TBC1D5: variants seen among roughly 807,000 people sequenced by gnomAD.
The protein encoded by TBC1D5 is TBC1 domain family, member 5.
In TBC1D5, 75 loss-of-function variants were observed where a neutral mutation model predicts 100.3. The observed-to-expected ratio is 0.75, with a 90% CI of 0.62 to 0.91. The LOEUF is 0.91. Among genes scored for constraint, TBC1D5 ranks in the 40% least tolerant of loss-of-function variants. TBC1D5 has a pLI of 0.00. For synonymous variants in TBC1D5, 323 were observed against 325.6 expected, an observed-to-expected ratio of 0.99 and a Z score of 0.09; for missense variants, 910 against 942.4, an observed-to-expected ratio of 0.97 and a Z score of 0.45.
intron 1 of TBC1D5, among the ~76,000 whole-genome samples, chr3:17,641,498 A>G (rs1176322866): frequency 6.6e-6 from 1 of 152,124 alleles, no homozygotes; most frequent in East Asian, 1.9e-4. Context: ...TATTGGGAGG[A>G]TTAAATAATA....
intron 3 of TBC1D5, among the ~76,000 whole-genome samples, chr3:17,484,194 T>A (rs1244950083): frequency 6.6e-6 from 1 of 152,176 alleles, no homozygotes; most frequent in African/African-American, 2.4e-5. Flanking sequence ...TATTTCAACA[T>A]AAAATGATGT....
At chr3:17,255,948 A>G (rs1057235595) in intron 16 of TBC1D5, among the ~76,000 whole-genome samples, 1 of 152,156 alleles carries the variant, frequency 6.6e-6, no homozygotes, top group Non-Finnish European at 1.5e-5. Flanking sequence ...AGGCAGGAGA[A>G]TGGCGGGAAC....
At chr3:17,506,693 T>C (rs2095847872) in intron 3 of TBC1D5, among the ~76,000 whole-genome samples, 1 of 152,098 alleles carries the variant, frequency 6.6e-6, no homozygotes, top group South Asian at 2.1e-4. Context: ...ACGAAAAGCC[T>C]TTTTAGTAAA....
At chr3:17,638,507 A>G (rs567413836) in intron 1 of TBC1D5, among the ~76,000 whole-genome samples, 1 of 152,120 alleles carries the variant, frequency 6.6e-6, no homozygotes, top group African/African-American at 2.4e-5. Context: ...CTGTGGAAGC[A>G]AATGGAACTG....
chr3:17,307,020 CT>C (rs199857552), intron 14 of TBC1D5, among the ~76,000 whole-genome samples: 2,364 of 152,144 alleles, frequency 0.016, 23 homozygotes, highest in Non-Finnish European at 0.025. Context: ...AAATGTGGTG[CT>C]CCTGTCACTT....
chr3:17,574,648 G>A (rs944173255), intron 2 of TBC1D5, among the ~76,000 whole-genome samples: 1 of 151,978 alleles, frequency 6.6e-6, no homozygotes, highest in South Asian at 2.1e-4. Flanking sequence ...TTGTTCTTTC[G>A]GATTTATTTT....
At chr3:17,616,477 T>A (rs2062161070) in intron 2 of TBC1D5, among the ~76,000 whole-genome samples, 1 of 152,170 alleles carries the variant, frequency 6.6e-6, no homozygotes, top group African/African-American at 2.4e-5. Flanking sequence ...TGTCTAATAC[T>A]GACAGTGGAA....
At chr3:17,321,589 G>C (rs2085414810) in intron 13 of TBC1D5, among the ~76,000 whole-genome samples, 2 of 152,074 alleles carry the variant, frequency 1.3e-5, no homozygotes, top group South Asian at 4.1e-4. Flanking sequence ...ATAAAGCTGA[G>C]AATTTCTAAG....
chr3:17,599,759 C>T (rs955400750), intron 2 of TBC1D5, among the ~76,000 whole-genome samples: 1 of 152,178 alleles, frequency 6.6e-6, no homozygotes, highest in African/African-American at 2.4e-5. Context: ...GCATGCTCCC[C>T]CTCCTGCAAG....
chr3:17,202,098 G>C (rs1413283048), intron 18 of TBC1D5, among the ~76,000 whole-genome samples: 1 of 152,208 alleles, frequency 6.6e-6, no homozygotes, highest in Non-Finnish European at 1.5e-5. Flanking sequence ...TGCTGATAGT[G>C]ATATAGGCAA....
At chr3:17,465,189 G>C (rs1000423739) in intron 3 of TBC1D5, 2 of 153,240 alleles carry the variant, frequency 1.3e-5, no homozygotes, top group Non-Finnish European at 2.9e-5. Flanking sequence ...TCCCATCAAT[G>C]AGGTGGTGAC....
chr3:17,293,666 A>G lies in TBC1D5; in HGVS notation c.1139-1665T>C, dbSNP rs1291132550. 2.6e-5 allele frequency among the ~76,000 whole-genome samples: 4 copies of G among 152,224 alleles called. No individual in the cohort carries two copies. The East Asian group carries it at 7.7e-4, about 29-fold the overall frequency. The stretch of plus-strand genomic sequence containing the variant: ...GCTTTATTCAATCCAATAATTATTC[A>G]GAGTACCTCATTCATGACAGGCCCT... On this transcript the variant is annotated intron_variant, in intron 14 of 21. Transcript: ENST00000253692.
chr3:17,160,718 A>C, exon 22 of TBC1D5: 1 of 503,936 alleles, frequency 2.0e-6, no homozygotes, highest in Admixed American at 3.2e-5. Flanking sequence ...AACTCAGAGC[A>C]AGAGTCGGGT....
chr3:17,711,463 GC>G (rs1392074616), intron 1 of TBC1D5, among the ~76,000 whole-genome samples: 1 of 151,826 alleles, frequency 6.6e-6, no homozygotes, highest in Non-Finnish European at 1.5e-5. Context: ...CTAATCTTCT[GC>G]CCCCCTCATA....
At chr3:17,650,306 A>G (rs2153716049) in intron 1 of TBC1D5, among the ~76,000 whole-genome samples, 1 of 152,238 alleles carries the variant, frequency 6.6e-6, no homozygotes, top group African/African-American at 2.4e-5. Flanking sequence ...AAATAAAATA[A>G]AAATAAAACT....
intron 3 of TBC1D5, among the ~76,000 whole-genome samples, chr3:17,445,871 T>A (rs1386946376): frequency 1.3e-5 from 2 of 152,164 alleles, no homozygotes; most frequent in African/African-American, 4.8e-5. Context: ...ATACTATACT[T>A]ATACAGTTGA....
rs568423426 is a variant in TBC1D5, at chr3:17,679,112, G to A, written c.-100-55199C>T. On this transcript the variant is annotated intron_variant, in intron 1 of 21. Transcript: ENST00000253692. The stretch of plus-strand genomic sequence containing the variant: ...AAAAAACAATGAGTTGGGATCCACG[G>A]ATATGAACAAAGTAAAGGTATCCAA... Among the ~76,000 whole-genome samples the A allele has an allele frequency of 2.7e-5, 4 of 149,954 alleles. No homozygotes were observed. The South Asian group carries it at 8.3e-4, about 31-fold the overall frequency.
intron 13 of TBC1D5, among the ~76,000 whole-genome samples, chr3:17,359,306 G>A (rs1334458501): frequency 6.6e-6 from 1 of 152,050 alleles, no homozygotes; most frequent in Non-Finnish European, 1.5e-5. Flanking sequence ...AGCATCTTAT[G>A]ACATTATGAA....
intron 15 of TBC1D5, among the ~76,000 whole-genome samples, chr3:17,277,858 A>G (rs976686134): frequency 2.0e-5 from 3 of 152,236 alleles, no homozygotes; most frequent in African/African-American, 7.2e-5. Context: ...GACTCTGGGT[A>G]TCTCACTGCA....
Sources: allele counts gnomAD v4.1 joint callset (sites outside exome capture counted in the v4.1 genomes callset), GRCh38; gene constraint gnomAD v4.1.1; transcripts MANE v1.5; gene names NCBI Gene and HGNC (gene_info 2026-07-23, HGNC 2026-07-21).